PCDH9: variants seen among roughly 807,000 people sequenced by gnomAD.
The protein encoded by PCDH9 is protocadherin 9.
In PCDH9, 24 loss-of-function variants were observed where a neutral mutation model predicts 70.6. That is an observed-to-expected ratio of 0.34 (90% CI 0.25 to 0.48). The LOEUF (loss-of-function observed/expected upper bound fraction) is 0.48. Ranked by LOEUF, PCDH9 falls within the 20% of genes least tolerant of loss-of-function variation. PCDH9 has a pLI of 0.99. For synonymous variants in PCDH9, 562 were observed against 558.5 expected, an observed-to-expected ratio of 1.01 and a Z score of -0.09; for missense variants, 1,281 against 1,503.6, an observed-to-expected ratio of 0.85 and a Z score of 2.45.
At chr13:66,654,506 C>G (rs1188670325) in intron 3 of PCDH9, among the ~76,000 whole-genome samples, 1 of 151,950 alleles carries the variant, frequency 6.6e-6, no homozygotes, top group Non-Finnish European at 1.5e-5. Context: ...AGGATAAACA[C>G]TTGAGGTGAG....
chr13:67,089,301 T>TTTAATAAGTTATCTGCTTA (rs2086170439), intron 2 of PCDH9, among the ~76,000 whole-genome samples: 1 of 152,076 alleles, frequency 6.6e-6, no homozygotes, highest in Non-Finnish European at 1.5e-5. Context: ...TATTTGGCTT[T>TTTAATAAGTTATCTGCTTA]TTAATAAGTT....
chr13:67,209,010 C>T (rs933001786), intron 2 of PCDH9: 4 of 152,128 alleles, frequency 2.6e-5, no homozygotes, highest in Admixed American at 2.0e-4. Context: ...ATATATCTTT[C>T]CTACCTCTCA....
At chr13:66,821,724 C>A (rs9540924) in intron 3 of PCDH9, among the ~76,000 whole-genome samples, 1 of 151,974 alleles carries the variant, frequency 6.6e-6, no homozygotes, top group African/African-American at 2.4e-5. Context: ...TTGTTTCATA[C>A]GAAATCATTA....
chr13:66,529,250 A>C (rs1400111320), intron 4 of PCDH9, among the ~76,000 whole-genome samples: 2 of 152,150 alleles, frequency 1.3e-5, no homozygotes, highest in African/African-American at 4.8e-5. Context: ...AAATACTGAC[A>C]GGCTGAAAAG....
intron 4 of PCDH9, among the ~76,000 whole-genome samples, chr13:66,409,702 TA>T (rs1322897741): frequency 1.3e-5 from 2 of 152,162 alleles, no homozygotes; most frequent in East Asian, 3.9e-4. Flanking sequence ...GGCTCATGGG[TA>T]ATCTATATAT....
intron 3 of PCDH9, among the ~76,000 whole-genome samples, chr13:66,892,583 T>C (rs1358585276): frequency 6.6e-6 from 1 of 151,802 alleles, no homozygotes; most frequent in Non-Finnish European, 1.5e-5. Context: ...TTTTTAAATA[T>C]TGGCATGAAT....
intron 2 of PCDH9, among the ~76,000 whole-genome samples, chr13:67,088,696 A>G (rs908242807): frequency 6.6e-6 from 1 of 152,098 alleles, no homozygotes; most frequent in African/African-American, 2.4e-5. Context: ...GGATTGAAGC[A>G]TAATATAACA....
intron 2 of PCDH9, among the ~76,000 whole-genome samples, chr13:67,093,455 AAAT>A (rs961060302): frequency 6.6e-6 from 1 of 152,000 alleles, no homozygotes; most frequent in African/African-American, 2.4e-5. Flanking sequence ...ACTCCATCTC[AAAT>A]AATAATAATA....
rs1178234112 is a variant in PCDH9 at position 67,227,746 on chromosome 13, T to A, written c.695A>T (p.Lys232Ile). The change falls in exon 2 of 5, where the codon AAA becomes ATA. Residue 232 changes from lysine (K) to isoleucine (I), a missense_variant. Around this residue, in one of 4 missense-constraint regions of PCDH9, gnomAD observed 798 missense variants for 1,003.1 expected, o/e 0.80. Coordinates refer to ENST00000377865, the MANE Select transcript of PCDH9 (RefSeq NM_203487.3). This position sits in a 1 kb window ranked among gnomAD's most constrained non-coding sequence, Gnocchi z 4.6. ...GACCTGCAGTATGGCCGTACTGGAT[T>A]TCTGTGGAGTGCCTCCATCCTCTAC... ...IKVEDGGTPQ[K>I]SSTAILQVTV... is the part of the protein sequence containing the mutation. The A allele has an allele frequency of 1.9e-6, 3 of 1,613,718 alleles. No homozygotes were observed. The highest frequency in any genetic ancestry group is 2.5e-6 in the Non-Finnish European group (3 of 1,179,700).
intron 3 of PCDH9, among the ~76,000 whole-genome samples, chr13:66,861,779 G>T (rs2081488917): frequency 6.6e-6 from 1 of 151,880 alleles, no homozygotes; most frequent in Non-Finnish European, 1.5e-5. Context: ...AAATAAAATG[G>T]CACTACTTTC....
At chr13:66,867,833 T>TA (rs147562347) in intron 3 of PCDH9, among the ~76,000 whole-genome samples, 198 of 152,138 alleles carry the variant, frequency 1.3e-3, no homozygotes, top group African/African-American at 4.6e-3. Flanking sequence ...TCCTTTTTTT[T>TA]ATCCTTCTGT....
chr13:67,092,499 G>C (rs1203401460), intron 2 of PCDH9, among the ~76,000 whole-genome samples: 1 of 152,056 alleles, frequency 6.6e-6, no homozygotes. Context: ...AAAAACCTAA[G>C]AGAGCAAAGC....
chr13:66,608,636 G>T (rs2077252083), intron 4 of PCDH9, among the ~76,000 whole-genome samples: 1 of 151,602 alleles, frequency 6.6e-6, no homozygotes, highest in Non-Finnish European at 1.5e-5. Context: ...CACCCTAAAG[G>T]CTAATAGAAG....
intron 4 of PCDH9, among the ~76,000 whole-genome samples, chr13:66,412,609 T>A (rs947630395): frequency 4.6e-5 from 7 of 152,206 alleles, no homozygotes; most frequent in African/African-American, 1.7e-4. Flanking sequence ...TCAGTGGTAA[T>A]AGATAATTGG....
intron 4 of PCDH9, among the ~76,000 whole-genome samples, chr13:66,396,316 G>A (rs1022564073): frequency 2.0e-5 from 3 of 152,126 alleles, no homozygotes; most frequent in Non-Finnish European, 2.9e-5. Flanking sequence ...TTGCTAAAAC[G>A]TAAATTGCTC....
At chr13:66,899,274 G>A (rs2082237530) in intron 3 of PCDH9, among the ~76,000 whole-genome samples, 1 of 151,756 alleles carries the variant, frequency 6.6e-6, no homozygotes, top group Admixed American at 6.6e-5. Flanking sequence ...GCCCATCCTG[G>A]GATATCTTAA....
At chr13:66,796,182 C>T (rs1221511648) in intron 3 of PCDH9, among the ~76,000 whole-genome samples, 1 of 152,136 alleles carries the variant, frequency 6.6e-6, no homozygotes, top group Admixed American at 6.6e-5. Context: ...TTGGCTAGCA[C>T]TTATATGTCA....
chr13:66,386,546 G>A (rs1956933588), intron 4 of PCDH9, among the ~76,000 whole-genome samples: 1 of 152,180 alleles, frequency 6.6e-6, no homozygotes, highest in African/African-American at 2.4e-5. Flanking sequence ...ACACAGCATA[G>A]TCTTACTAAT....
At chr13:66,979,291 G>C (rs1421976777) in intron 2 of PCDH9, among the ~76,000 whole-genome samples, 1 of 152,080 alleles carries the variant, frequency 6.6e-6, no homozygotes, top group East Asian at 1.9e-4. Flanking sequence ...GAATGCCCTT[G>C]TATAAATTCC....
Sources: gnomAD v4.1 joint callset for allele counts (sites outside exome capture counted in the v4.1 genomes callset) on GRCh38, gnomAD v4.1.1 for gene constraint, gnomAD v4.1.1 regional missense constraint, Gnocchi (gnomAD v3.1) non-coding constraint, MANE v1.5 for transcripts, NCBI Gene and HGNC (gene_info 2026-07-23, HGNC 2026-07-21) for gene names.